ZP3: variants seen among roughly 807,000 people sequenced by gnomAD.
ZP3 encodes the protein zona pellucida glycoprotein 3, also known as zona pellucida sperm-binding protein 3.
In ZP3, 21 loss-of-function variants were observed where a neutral mutation model predicts 35.6. The ratio of observed to expected loss-of-function variants is 0.59; its 90% CI spans 0.42 to 0.85. The LOEUF (loss-of-function observed/expected upper bound fraction) is 0.85. Among genes scored for constraint, ZP3 ranks in the 40% least tolerant of loss-of-function variants. ZP3 has a pLI of 0.00. For missense variants in ZP3, 437 were observed against 536.5 expected, an observed-to-expected ratio of 0.81 and a Z score of 1.83; for synonymous variants, 207 against 214.5, an observed-to-expected ratio of 0.96 and a Z score of 0.31.
intron 1 of ZP3, among the ~76,000 whole-genome samples, chr7:76,404,994 C>T (rs796506012): frequency 5.3e-5 from 8 of 151,444 alleles, no homozygotes; most frequent in African/African-American, 1.9e-4. Flanking sequence ...CTCTTGAACC[C>T]GGGAGGTAGA....
chr7:76,423,052 AAAG>A, upstream of ZP3, among the ~76,000 whole-genome samples: 1 of 146,598 alleles, frequency 6.8e-6, no homozygotes, highest in Non-Finnish European at 1.5e-5. Flanking sequence ...AGAAAGAAAG[AAAG>A]AAAGAAAGAA....
chr7:76,407,675 G>C (rs561547606), intron 1 of ZP3, among the ~76,000 whole-genome samples: 9 of 152,122 alleles, frequency 5.9e-5, no homozygotes, highest in African/African-American at 2.2e-4. Flanking sequence ...CAAGGCTGCA[G>C]TTAGCCATGA....
intron 1 of ZP3, among the ~76,000 whole-genome samples, chr7:76,411,860 A>C (rs777101096): frequency 2.3e-4 from 35 of 152,208 alleles, no homozygotes; most frequent in Non-Finnish European, 4.3e-4. Flanking sequence ...GAATGCTCAT[A>C]GCAGTTTTAT....
chr7:76,413,183 GA>G (rs1805290939), intron 1 of ZP3, among the ~76,000 whole-genome samples: 1 of 150,528 alleles, frequency 6.6e-6, no homozygotes, highest in Admixed American at 6.6e-5. Flanking sequence ...GGCTGGTCTT[GA>G]ACTCCTGACC....
intron 3 of ZP3, 42 bp downstream of exon 3, chr7:76,433,072 G>C (rs761261822): frequency 6.6e-7 from 1 of 1,513,792 alleles, no homozygotes; most frequent in Non-Finnish European, 9.0e-7. Flanking sequence ...GGAAAGACCT[G>C]GGCCATCTCA....
chr7:76,410,910 G>T (rs182336958), intron 1 of ZP3, among the ~76,000 whole-genome samples: 117 of 149,692 alleles, frequency 7.8e-4, no homozygotes, highest in Middle Eastern at 3.5e-3. Context: ...TGGGAGAATC[G>T]CCTGAACCCG....
intron 1 of ZP3, among the ~76,000 whole-genome samples, chr7:76,405,270 A>ATT (rs1387346684): frequency 0.041 from 759 of 18,468 alleles, 44 homozygotes; most frequent in Non-Finnish European, 0.053. Context: ...CACCCAGCTA[A>ATT]TTATATATAT....
At position 76,426,647 on chromosome 7, in the gene ZP3, T is replaced by TC. The variant is rs369539407; in HGVS notation, c.312+1379dup. 4.9e-3 allele frequency among the ~76,000 whole-genome samples: 743 copies of TC among 151,040 alleles called. 6 individuals are homozygous for TC. The highest frequency in any genetic ancestry group is 0.023 in the South Asian group (110 of 4,746). On this transcript the variant is annotated intron_variant, in intron 1 of 7. Coordinates refer to ENST00000394857, the MANE Select transcript of ZP3 (RefSeq NM_001110354.2). ...TTACTTGGGGAGCCAGGTGCCTGGCTCCCCCCCCTTCTGTGAAATGGGCTT... is the reference window on the plus strand; with the variant it reads ...TTACTTGGGGAGCCAGGTGCCTGGCTCCCCCCCCCTTCTGTGAAATGGGCTT...
At chr7:76,411,013 A>AAAAAAAGAAAAG (rs1554623386) in intron 1 of ZP3, among the ~76,000 whole-genome samples, 5 of 131,140 alleles carry the variant, frequency 3.8e-5, no homozygotes, top group African/African-American at 1.5e-4. Context: ...AAAAAAAAAA[A>AAAAAAAGAAAAG]AAAAGAAAAG....
At chr7:76,436,678 G>T (rs1258249552) in intron 5 of ZP3, among the ~76,000 whole-genome samples, 3 of 152,258 alleles carry the variant, frequency 2.0e-5, no homozygotes, top group African/African-American at 7.2e-5. Context: ...TGGGGCTGGG[G>T]ATAAAGGAGG....
At chr7:76,398,395 C>T (rs936189811) in intron 1 of ZP3, among the ~76,000 whole-genome samples, 2 of 151,248 alleles carry the variant, frequency 1.3e-5, no homozygotes, top group Non-Finnish European at 2.9e-5. Flanking sequence ...ACCTCTGCCT[C>T]CCGGGTTCAA....
At chr7:76,441,258 A>G (rs1175795401) in intron 7 of ZP3, among the ~76,000 whole-genome samples, 2 of 151,248 alleles carry the variant, frequency 1.3e-5, no homozygotes, top group Non-Finnish European at 3.0e-5. Context: ...AAATCGCTTG[A>G]GCCCCATGAG....
chr7:76,435,814 T>G (rs181383972), intron 5 of ZP3, among the ~76,000 whole-genome samples: 1 of 151,152 alleles, frequency 6.6e-6, no homozygotes, highest in Admixed American at 6.6e-5. Flanking sequence ...CTGCAACCTC[T>G]GCCTCCGGGT....
intron 1 of ZP3, among the ~76,000 whole-genome samples, chr7:76,419,109 GTCTA>G (rs1422330527): frequency 6.6e-6 from 1 of 152,052 alleles, no homozygotes; most frequent in African/African-American, 2.4e-5. Context: ...AAGGGACTCA[GTCTA>G]GTCCCTGCCG....
chr7:76,436,732 T>C (rs1359660236), intron 5 of ZP3, among the ~76,000 whole-genome samples: 14 of 152,212 alleles, frequency 9.2e-5, no homozygotes, highest in Non-Finnish European at 1.9e-4. Context: ...CAGTGACCGA[T>C]AGCTCCTTAG....
intron 2 of ZP3, among the ~76,000 whole-genome samples, chr7:76,432,127 A>G (rs952380484): frequency 4.0e-5 from 6 of 151,256 alleles, no homozygotes; most frequent in African/African-American, 1.5e-4. Flanking sequence ...GGCTCAAGCA[A>G]TCCTCCCATC....
rs1429639060 is a variant in ZP3, at chr7:76,403,918, C to T, written c.-67+6121C>T. Among the ~76,000 whole-genome samples the T allele has an allele frequency of 2.0e-5, 3 of 152,166 alleles. No homozygotes were observed. The East Asian group carries it at 5.8e-4, about 29-fold the overall frequency. On this transcript the variant is annotated intron_variant, in intron 1 of 8. Transcript: ENST00000336517. ...TCTCAGGTGATCTTTCCGCCTTGGC[C>T]TCCCAAAGTACTGGGATTGCAGGTG...
At chr7:76,435,156 T>C (rs1563702572) in intron 5 of ZP3, among the ~76,000 whole-genome samples, 1 of 152,040 alleles carries the variant, frequency 6.6e-6, no homozygotes, top group Non-Finnish European at 1.5e-5. Flanking sequence ...ACCATCCTGG[T>C]TAACACGGTG....
chr7:76,405,564 C>CT (rs1406265962), intron 1 of ZP3, among the ~76,000 whole-genome samples: 4 of 151,092 alleles, frequency 2.6e-5, no homozygotes, highest in Non-Finnish European at 5.9e-5. Context: ...AGGAGGATCA[C>CT]TTGCACCAAG....
Sources: allele counts gnomAD v4.1 joint callset (sites outside exome capture counted in the v4.1 genomes callset), GRCh38; gene constraint gnomAD v4.1.1; transcripts MANE v1.5; gene names NCBI Gene and HGNC (gene_info 2026-07-23, HGNC 2026-07-21).